The following RANBP10 variants were observed in gnomAD, a reference collection of about 807,000 sequenced individuals.
RANBP10 encodes RAN binding protein 10.
A neutral mutation model predicts 72.8 loss-of-function variants in RANBP10; 24 were observed. The observed-to-expected ratio is 0.33, with a 90% CI of 0.24 to 0.46. The LOEUF (loss-of-function observed/expected upper bound fraction) is 0.46, where lower values mean the gene tolerates loss of function less well. Among genes scored for constraint, RANBP10 ranks in the 20% least tolerant of loss-of-function variants. The pLI is 1.00. For synonymous variants in RANBP10, 310 were observed against 322.3 expected, an observed-to-expected ratio of 0.96 and a Z score of 0.41; for missense variants, 679 against 817.5, an observed-to-expected ratio of 0.83 and a Z score of 2.07.
chr16:67,780,226 G>A (rs147728813), intron 2 of RANBP10, among the ~76,000 whole-genome samples: 107 of 151,972 alleles, frequency 7.0e-4, no homozygotes, highest in African/African-American at 2.2e-3. Context: ...GCTAGACTCC[G>A]TCTCAAAAAA....
chr16:67,744,104 G>C (rs865874069), intron 4 of RANBP10, 184 bp downstream of exon 4: 2 of 985,314 alleles, frequency 2.0e-6, no homozygotes, highest in African/African-American at 3.5e-5. Context: ...CAGCTGACTG[G>C]CTGGATGAAC....
intron 2 of RANBP10, among the ~76,000 whole-genome samples, chr16:67,799,786 G>A (rs189294800): frequency 2.6e-5 from 4 of 152,032 alleles, no homozygotes; most frequent in Admixed American, 1.3e-4. Flanking sequence ...CTGACCCTTC[G>A]ACACCACCGG....
intron 3 of RANBP10, among the ~76,000 whole-genome samples, chr16:67,749,059 A>C (rs1185085601): frequency 6.6e-6 from 1 of 152,178 alleles, no homozygotes; most frequent in Non-Finnish European, 1.5e-5. Context: ...CATGTTGTGT[A>C]CGTGAATAGG....
intron 2 of RANBP10, among the ~76,000 whole-genome samples, chr16:67,792,264 T>C (rs1471521086): frequency 1.3e-5 from 2 of 151,592 alleles, no homozygotes; most frequent in Non-Finnish European, 2.9e-5. Flanking sequence ...ATTCAAAAAA[T>C]ATAGGCTAGA....
intron 2 of RANBP10, among the ~76,000 whole-genome samples, chr16:67,778,031 G>A (rs141415060): frequency 2.2e-3 from 329 of 152,210 alleles, no homozygotes; most frequent in South Asian, 0.012. Context: ...AATAACGCTG[G>A]GACATCTGGA....
At chr16:67,740,020 G>T (rs1597839652) in intron 4 of RANBP10, 1 of 151,822 alleles carries the variant, frequency 6.6e-6, no homozygotes, top group Non-Finnish European at 1.5e-5. Flanking sequence ...TTTTGAGACG[G>T]AGTCTAGTTC....
At chr16:67,746,418 T>C (rs1373343333) in intron 3 of RANBP10, among the ~76,000 whole-genome samples, 1 of 151,692 alleles carries the variant, frequency 6.6e-6, no homozygotes, top group Non-Finnish European at 1.5e-5. Context: ...GAGGCAGAGC[T>C]TGCAGTGAGC....
At chr16:67,777,198 G>A (rs1307050339) in intron 2 of RANBP10, among the ~76,000 whole-genome samples, 1 of 147,008 alleles carries the variant, frequency 6.8e-6, no homozygotes, top group Non-Finnish European at 1.5e-5. Flanking sequence ...GTACAAGAGC[G>A]AAACTCCGTC....
chr16:67,750,534 A>G (rs931466148), intron 3 of RANBP10, among the ~76,000 whole-genome samples: 1 of 152,100 alleles, frequency 6.6e-6, no homozygotes, highest in Non-Finnish European at 1.5e-5. Context: ...ACAGGGGCCA[A>G]ATGATCTCAG....
intron 3 of RANBP10, among the ~76,000 whole-genome samples, chr16:67,753,020 G>A (rs1045918513): frequency 5.3e-5 from 8 of 152,074 alleles, no homozygotes; most frequent in African/African-American, 1.9e-4. Context: ...CAGGAGGATT[G>A]CTTCAGTCCA....
At chr16:67,728,620 C>T in intron 10 of RANBP10, 109 bp from the exon 11 acceptor site, 1 of 1,571,884 alleles carries the variant, frequency 6.4e-7, no homozygotes, top group Non-Finnish European at 8.6e-7. Context: ...GAACCGAGGA[C>T]CCCCAGGAAC....
rs769847708 is a variant in RANBP10 at position 67,727,360 on chromosome 16, G to T, written c.1699C>A (p.Pro567Thr). Residue 567 changes from proline to threonine, a missense_variant, in exon 13 of 14, where the codon CCT becomes ACT. By Grantham distance (38) the Pro-to-Thr change is conservative. Transcript: ENST00000317506. Reference protein sequence around the residue: ...GQQLDPIQREPVCAALNSAIL... With the variant: ...GQQLDPIQRETVCAALNSAIL... ...GCGCTGTTGAGGGCAGCACACACAG[G>T]TTCCCTCTGGATGGGGTCAAGCTGC... is the stretch of plus-strand genomic sequence containing the variant. 13 of 1,613,566 alleles carry T rather than the reference G, an allele frequency of 8.1e-6. No homozygotes were observed. The highest frequency in any genetic ancestry group is 1.1e-5 in the South Asian group (1 of 91,056).
At chr16:67,802,379 T>C (rs769631789) in intron 2 of RANBP10, among the ~76,000 whole-genome samples, 29 of 152,232 alleles carry the variant, frequency 1.9e-4, no homozygotes, top group Non-Finnish European at 3.8e-4. Context: ...GGCTCATGCC[T>C]GTAATCTTAG....
intron 2 of RANBP10, among the ~76,000 whole-genome samples, chr16:67,778,723 T>A (rs890097765): frequency 6.6e-6 from 1 of 152,108 alleles, no homozygotes; most frequent in African/African-American, 2.4e-5. Flanking sequence ...GATGTTTCCC[T>A]AAAGAAGGTG....
rs553584804 is a variant in RANBP10, at chr16:67,772,065, C to T, written c.369G>A (p.Ser123=). 1.9e-6 allele frequency: 3 copies of T among 1,599,092 alleles called. No homozygotes were observed. Among genetic ancestry groups the T allele is most frequent in the Non-Finnish European group, 2.6e-6 (3 of 1,175,714 alleles). The change falls in exon 3 of 14, where the codon TCG becomes TCA. Residue 123 remains serine, a synonymous_variant. Transcript: ENST00000317506. The part of the protein sequence containing the change: ...GRDGYMGIGL[S]AQGVNMNRLP... ...GTCTGTTCATGTTGACGCCTTGAGCCGAGAGTCCTATTCCCATGTAACTTC... is the reference window on the plus strand; with the variant it reads ...GTCTGTTCATGTTGACGCCTTGAGCTGAGAGTCCTATTCCCATGTAACTTC...
intron 2 of RANBP10, among the ~76,000 whole-genome samples, chr16:67,783,293 G>T (rs1244145514): frequency 6.6e-6 from 1 of 152,056 alleles, no homozygotes; most frequent in Non-Finnish European, 1.5e-5. Context: ...TAGAAACCAG[G>T]GCCACCTGAC....
chr16:67,800,104 G>A (rs1252732251), intron 2 of RANBP10, among the ~76,000 whole-genome samples: 1 of 151,710 alleles, frequency 6.6e-6, no homozygotes, highest in Non-Finnish European at 1.5e-5. Flanking sequence ...CCTGGCAACA[G>A]AGCGAGACTC....
At chr16:67,754,065 G>A (rs556354420) in intron 3 of RANBP10, among the ~76,000 whole-genome samples, 5 of 151,386 alleles carry the variant, frequency 3.3e-5, no homozygotes, top group African/African-American at 9.7e-5. Context: ...ACCGGGAGGC[G>A]GAGCTTGCAG....
At chr16:67,748,178 T>C (rs1019759879) in intron 3 of RANBP10, among the ~76,000 whole-genome samples, 4 of 151,932 alleles carry the variant, frequency 2.6e-5, no homozygotes, top group Non-Finnish European at 4.4e-5. Flanking sequence ...TGACTGGGAC[T>C]GTGTTGACTC....
Sources: gnomAD v4.1 joint callset for allele counts (sites outside exome capture counted in the v4.1 genomes callset) on GRCh38, gnomAD v4.1.1 for gene constraint, MANE v1.5 for transcripts, NCBI Gene and HGNC (gene_info 2026-07-23, HGNC 2026-07-21) for gene names.